ABTB3: variants seen among roughly 807,000 people sequenced by gnomAD.
The protein encoded by ABTB3 is ankyrin repeat and BTB domain containing 3.
chr12:107,391,087 G>A, the ABTB3 span, among the ~76,000 whole-genome samples: 2 of 152,202 alleles, frequency 1.3e-5, no homozygotes, highest in African/African-American at 4.8e-5. Context: ...GGAGATGGAG[G>A]TTGCAGTGAG....
chr12:107,642,991 G>A, the ABTB3 span, among the ~76,000 whole-genome samples: 9 of 152,072 alleles, frequency 5.9e-5, no homozygotes, highest in Non-Finnish European at 1.0e-4. Flanking sequence ...CTCCCCAGCC[G>A]GCTTTGCACC....
the ABTB3 span, among the ~76,000 whole-genome samples, chr12:107,576,166 C>T: frequency 2.6e-5 from 4 of 152,202 alleles, no homozygotes; most frequent in East Asian, 1.9e-4. Context: ...TGAAGCCCCT[C>T]TACTGAAGAC....
the ABTB3 span, among the ~76,000 whole-genome samples, chr12:107,532,522 T>C: frequency 1.8e-4 from 27 of 152,336 alleles, no homozygotes; most frequent in African/African-American, 5.8e-4. Flanking sequence ...ACACTATAGA[T>C]ACATCTACAG....
chr12:107,462,511 CTGA>C, the ABTB3 span, among the ~76,000 whole-genome samples: 4 of 151,894 alleles, frequency 2.6e-5, no homozygotes, highest in Admixed American at 2.0e-4. Context: ...AATGACACTA[CTGA>C]TGATGGTGGT....
At chr12:107,406,422 C>G in the ABTB3 span, among the ~76,000 whole-genome samples, 2 of 152,108 alleles carry the variant, frequency 1.3e-5, no homozygotes, top group Admixed American at 6.5e-5. Flanking sequence ...AGAGTGAAAC[C>G]CTGTCTCTCT....
the ABTB3 span, among the ~76,000 whole-genome samples, chr12:107,409,048 T>C: frequency 6.6e-6 from 1 of 152,226 alleles, no homozygotes; most frequent in African/African-American, 2.4e-5. Context: ...GAGTGGATCT[T>C]TAAAGGAAGA....
chr12:107,574,473 A>G, the ABTB3 span, among the ~76,000 whole-genome samples: 1 of 152,304 alleles, frequency 6.6e-6, no homozygotes, highest in African/African-American at 2.4e-5. Context: ...CTCTAATCCC[A>G]GCTCTTTGGG....
the ABTB3 span, among the ~76,000 whole-genome samples, chr12:107,479,393 C>T: frequency 1.3e-5 from 2 of 151,660 alleles, no homozygotes; most frequent in Non-Finnish European, 2.9e-5. Context: ...GCTCTGTGAT[C>T]TCAGGTGAAT....
the ABTB3 span, among the ~76,000 whole-genome samples, chr12:107,503,772 A>AAAAG: frequency 2.7e-5 from 4 of 148,186 alleles, no homozygotes; most frequent in Non-Finnish European, 5.9e-5. Context: ...AAAAAAAAAA[A>AAAAG]AAGAAGAAGA....
the ABTB3 span, among the ~76,000 whole-genome samples, chr12:107,546,828 G>T: frequency 6.6e-6 from 1 of 152,156 alleles, no homozygotes; most frequent in African/African-American, 2.4e-5. Context: ...TCAGGCTACT[G>T]CACTCCAGCC....
the ABTB3 span, among the ~76,000 whole-genome samples, chr12:107,402,061 C>T: frequency 6.6e-6 from 1 of 152,042 alleles, no homozygotes; most frequent in Non-Finnish European, 1.5e-5. Flanking sequence ...ATTATGATAA[C>T]AGCCACCATT....
chr12:107,656,175 C>T, the ABTB3 span, among the ~76,000 whole-genome samples: 1 of 151,622 alleles, frequency 6.6e-6, no homozygotes, highest in East Asian at 1.9e-4. Flanking sequence ...GTGGCGCACA[C>T]CTCTAGTCCC....
chr12:107,402,497 T>C, the ABTB3 span, among the ~76,000 whole-genome samples: 1 of 152,190 alleles, frequency 6.6e-6, no homozygotes, highest in Non-Finnish European at 1.5e-5. Flanking sequence ...CCTTGGGATA[T>C]GGTACCCCAT....
chr12:107,363,900 G>T, the ABTB3 span, among the ~76,000 whole-genome samples: 4 of 152,332 alleles, frequency 2.6e-5, no homozygotes, highest in African/African-American at 9.6e-5. Flanking sequence ...GAGGCTCACA[G>T]TTGGCTGTAC....
At chr12:107,621,448 G>C in the ABTB3 span, among the ~76,000 whole-genome samples, 8 of 105,086 alleles carry the variant, frequency 7.6e-5, no homozygotes, top group Admixed American at 6.9e-4. Context: ...CAGGGTCTGG[G>C]TTCTATCGTT....
At chr12:107,574,357 C>T in the ABTB3 span, among the ~76,000 whole-genome samples, 4 of 152,246 alleles carry the variant, frequency 2.6e-5, no homozygotes, top group Non-Finnish European at 4.4e-5. Context: ...TCATGATTCT[C>T]TGTAGGTCAT....
chr12:107,347,913 A>G, the ABTB3 span, among the ~76,000 whole-genome samples: 3 of 152,094 alleles, frequency 2.0e-5, no homozygotes, highest in African/African-American at 7.2e-5. Context: ...AACCACAACA[A>G]TGAAATACCA....
the ABTB3 span, among the ~76,000 whole-genome samples, chr12:107,356,923 T>C: frequency 1.3e-5 from 2 of 152,244 alleles, no homozygotes; most frequent in Non-Finnish European, 2.9e-5. Context: ...CATCTGGGCA[T>C]AGCCACTGAA....
At chr12:107,617,113 G>A in the ABTB3 span, 2 of 1,614,026 alleles carry the variant, frequency 1.2e-6, no homozygotes, top group African/African-American at 1.3e-5. Flanking sequence ...TGGGGCCAAG[G>A]TGGAAGGCTC....
Sources: gnomAD v4.1 joint callset for allele counts (sites outside exome capture counted in the v4.1 genomes callset) on GRCh38, gnomAD v4.1.1 for gene constraint, MANE v1.5 for transcripts, NCBI Gene and HGNC (gene_info 2026-07-23, HGNC 2026-07-21) for gene names.